The following BMP6 variants were observed in gnomAD, a reference collection of about 807,000 sequenced individuals.
BMP6 encodes bone morphogenetic protein 6, also known as VG-1-R.
In BMP6, 17 loss-of-function variants were observed where a neutral mutation model predicts 54.1. The observed-to-expected ratio is 0.31, with a 90% CI of 0.22 to 0.47. The LOEUF is 0.47. Ranked by LOEUF, BMP6 falls within the 20% of genes least tolerant of loss-of-function variation. BMP6 has a pLI of 1.00. For synonymous variants in BMP6, 328 were observed against 291.2 expected, an observed-to-expected ratio of 1.13 and a Z score of -1.28; for missense variants, 720 against 690.4, an observed-to-expected ratio of 1.04 and a Z score of -0.48.
At chr6:7,800,307 A>C (rs1313850783) in intron 1 of BMP6, among the ~76,000 whole-genome samples, 1 of 151,966 alleles carries the variant, frequency 6.6e-6, no homozygotes, top group African/African-American at 2.4e-5. Context: ...CATTCTTTGA[A>C]CTCTTATGGA....
At chr6:7,737,705 G>A (rs1224173628) in intron 1 of BMP6, among the ~76,000 whole-genome samples, 2 of 149,004 alleles carry the variant, frequency 1.3e-5, no homozygotes, top group Non-Finnish European at 1.5e-5. Context: ...TTCCACTTTC[G>A]TATGTGCTCT....
chr6:7,844,582 C>T, intron 1 of BMP6, among the ~76,000 whole-genome samples: 1 of 152,250 alleles, frequency 6.6e-6, no homozygotes, highest in East Asian at 1.9e-4. Context: ...ACACTTCAGG[C>T]CCAGGCAAAA....
intron 1 of BMP6, among the ~76,000 whole-genome samples, chr6:7,728,207 C>T (rs536915058): frequency 2.0e-4 from 31 of 152,240 alleles, no homozygotes; most frequent in African/African-American, 7.5e-4. Flanking sequence ...CCGCGGAAGG[C>T]GCTCGGATCC....
chr6:7,865,096 A>G (rs899633147), intron 4 of BMP6, among the ~76,000 whole-genome samples: 4 of 152,156 alleles, frequency 2.6e-5, no homozygotes, highest in Non-Finnish European at 5.9e-5. Flanking sequence ...GCACACACTA[A>G]TGTTTTTAAA....
In BMP6 at chr6:7,726,342, G is replaced by A. The variant is rs1268813026; in HGVS notation, c.-614G>A. On this transcript the variant is annotated 5_prime_UTR_variant, in exon 1 of 7. Coordinates refer to ENST00000283147, the MANE Select transcript of BMP6 (RefSeq NM_001718.6). ...GGAGCGACGGTGCCCGAGAGCTCAG[G>A]GGCGCGGAGTTCGTGAGCGAGAAGG... is the stretch of plus-strand genomic sequence containing the variant. Among the ~76,000 whole-genome samples the A allele has an allele frequency of 6.6e-6, 1 of 152,232 alleles. No homozygotes were observed. Among genetic ancestry groups the A allele is most frequent in the African/African-American group, 2.4e-5 (1 of 41,462 alleles).
chr6:7,839,136 T>C (rs1249645493), intron 1 of BMP6, among the ~76,000 whole-genome samples: 2 of 152,152 alleles, frequency 1.3e-5, no homozygotes, highest in African/African-American at 4.8e-5. Context: ...GTTTTTTAGA[T>C]ATTTGAGGAA....
intron 1 of BMP6, among the ~76,000 whole-genome samples, chr6:7,800,912 A>AGGGGGGGGG (rs201191015): frequency 1.0e-4 from 4 of 38,126 alleles, no homozygotes; most frequent in African/African-American, 2.3e-4. Context: ...AAGCGGGGGG[A>AGGGGGGGGG]GGGGGGGGCA....
intron 1 of BMP6, among the ~76,000 whole-genome samples, chr6:7,736,510 C>T (rs2068361): frequency 0.25 from 38,056 of 152,108 alleles, 4,825 homozygotes; most frequent in Middle Eastern, 0.39. Context: ...AAGGCTTCCT[C>T]AGGAGAGACT....
chr6:7,851,598 G>A (rs1372428391), intron 2 of BMP6, among the ~76,000 whole-genome samples: 1 of 151,570 alleles, frequency 6.6e-6, no homozygotes, highest in Admixed American at 6.6e-5. Flanking sequence ...GTGCTGGCTG[G>A]GACGTCCAGT....
At chr6:7,746,937 C>T (rs1757355581) in intron 1 of BMP6, among the ~76,000 whole-genome samples, 4 of 152,228 alleles carry the variant, frequency 2.6e-5, no homozygotes, top group Admixed American at 6.5e-5. Context: ...CAACTCACAC[C>T]TGTTCCAGGT....
At chr6:7,835,986 G>A (rs1758869355) in intron 1 of BMP6, among the ~76,000 whole-genome samples, 1 of 151,968 alleles carries the variant, frequency 6.6e-6, no homozygotes, top group African/African-American at 2.4e-5. Context: ...ACAGGCATGT[G>A]CCACCAAGCC....
Position 7,855,553 on chromosome 6 carries a change from C to CTT in BMP6, c.858-5872_858-5871dup, listed in dbSNP as rs778898901. Among the ~76,000 whole-genome samples the CTT allele has an allele frequency of 3.3e-3, 346 of 105,056 alleles. 3 individuals carry two copies. The highest frequency in any genetic ancestry group is 5.6e-3 in the Middle Eastern group (1 of 178). 68.9% of individuals were successfully genotyped at this position (105,056 alleles called of 152,430 possible). On this transcript the variant is annotated intron_variant, in intron 2 of 6. Transcript: ENST00000283147. ...TTAATCTCAATCTCTCTCTCTCTCT[C>CTT]TTTTTTTTTTTTTTTTTTTTTTTTT...
chr6:7,806,562 A>G (rs1336729459), intron 1 of BMP6, among the ~76,000 whole-genome samples: 1 of 152,200 alleles, frequency 6.6e-6, no homozygotes, highest in Non-Finnish European at 1.5e-5. Flanking sequence ...TAGGAAACAC[A>G]TACTTCTGCT....
chr6:7,817,477 G>A (rs981900293), intron 1 of BMP6, among the ~76,000 whole-genome samples: 1 of 146,970 alleles, frequency 6.8e-6, no homozygotes. Context: ...CACAAGGACA[G>A]AAAACCAAAC....
At chr6:7,793,241 T>A (rs538541314) in intron 1 of BMP6, among the ~76,000 whole-genome samples, 2 of 152,266 alleles carry the variant, frequency 1.3e-5, no homozygotes, top group East Asian at 3.9e-4. Context: ...TAGAGTTTGC[T>A]CTACATATTG....
intron 1 of BMP6, among the ~76,000 whole-genome samples, chr6:7,784,111 A>G (rs1757987854): frequency 6.6e-6 from 1 of 152,246 alleles, no homozygotes; most frequent in South Asian, 2.1e-4. Context: ...ATTTGCTTAA[A>G]TCATCTTGTA....
chr6:7,838,911 C>T (rs557641108), intron 1 of BMP6, among the ~76,000 whole-genome samples: 2 of 142,274 alleles, frequency 1.4e-5, no homozygotes, highest in East Asian at 4.1e-4. Context: ...CACTGCACTC[C>T]AGCCTGGGTG....
Position 7,727,143 on chromosome 6 carries a change from C to T in BMP6, c.188C>T (p.Ser63Phe), listed in dbSNP as rs1355286059. Residue 63 changes from serine (S) to phenylalanine (F), a missense_variant, in exon 1 of 7, where the codon TCC becomes TTC. Transcript: ENST00000283147. ...CAGCCGCCGCCGTCGCCGCAGTCCT[C>T]CTCGGGCTTCCTGTACCGGCGGCTC... is the stretch of plus-strand genomic sequence containing the variant. The part of the protein sequence containing the change: ...TEQPPPSPQS[S>F]SGFLYRRLKT... 5 of 1,570,050 alleles carry T rather than the reference C, an allele frequency of 3.2e-6. No individual in the cohort carries two copies. In the African/African-American group the frequency reaches 4.1e-5, roughly 13 times the overall value.
At chr6:7,765,487 A>T (rs270399) in intron 1 of BMP6, among the ~76,000 whole-genome samples, 108,070 of 152,104 alleles carry the variant, frequency 0.71, 39,565 homozygotes, top group Non-Finnish European at 0.81. Flanking sequence ...CACACCTGAT[A>T]TTAATAAGGG....
Sources: allele counts gnomAD v4.1 joint callset (sites outside exome capture counted in the v4.1 genomes callset), GRCh38; gene constraint gnomAD v4.1.1; transcripts MANE v1.5; gene names NCBI Gene and HGNC (gene_info 2026-07-23, HGNC 2026-07-21).